Variants in MRTFA observed in about 807,000 individuals in gnomAD.
The protein encoded by MRTFA is myocardin-related transcription factor A.
Under a neutral mutation model 83.5 loss-of-function variants are expected in MRTFA, and 20 were observed. The observed-to-expected ratio is 0.24, with a 90% CI of 0.17 to 0.35. MRTFA has a LOEUF of 0.35. MRTFA is among the 10% of genes least tolerant of loss of function. MRTFA has a pLI of 1.00. For missense variants in MRTFA, 1,200 were observed against 1,224.7 expected, an observed-to-expected ratio of 0.98 and a Z score of 0.30; for synonymous variants, 659 against 541.2, an observed-to-expected ratio of 1.22 and a Z score of -3.02.
chr22:40,562,738 AAGGGGGAACGGACGG>A (rs1364577726), intron 2 of MRTFA, among the ~76,000 whole-genome samples: 2 of 40,396 alleles, frequency 5.0e-5, no homozygotes, highest in African/African-American at 2.2e-4. Flanking sequence ...GGAAGGGGGG[AAGGGGGAACGGACGG>A]AGGGGGGAAT....
At chr22:40,531,781 T>C (rs2055086428) in intron 3 of MRTFA, among the ~76,000 whole-genome samples, 1 of 152,210 alleles carries the variant, frequency 6.6e-6, no homozygotes, top group South Asian at 2.1e-4. Context: ...TATTTTACTA[T>C]ACAGCTGTCA....
At chr22:40,529,375 G>A (rs986994734) in intron 3 of MRTFA, among the ~76,000 whole-genome samples, 5 of 152,102 alleles carry the variant, frequency 3.3e-5, no homozygotes, top group African/African-American at 1.2e-4. Context: ...GGAGTGCAGT[G>A]GTGCGATCTC....
chr22:40,566,695 T>C (rs1275621679), intron 2 of MRTFA, among the ~76,000 whole-genome samples: 1 of 152,064 alleles, frequency 6.6e-6, no homozygotes, highest in Non-Finnish European at 1.5e-5. Context: ...TAGCGGAGCA[T>C]GGTGGCGAGT....
intron 3 of MRTFA, chr22:40,533,777 T>C (rs2055122031): frequency 2.3e-6 from 1 of 435,662 alleles, no homozygotes; most frequent in Non-Finnish European, 3.8e-6. Flanking sequence ...CCCTTCTCAG[T>C]GCAGTTACCA....
At chr22:40,628,411 T>C (rs2056604604) in intron 1 of MRTFA, among the ~76,000 whole-genome samples, 1 of 152,176 alleles carries the variant, frequency 6.6e-6, no homozygotes, top group Non-Finnish European at 1.5e-5. Context: ...ACAAGAACAA[T>C]TATTTTCAAA....
chr22:40,470,171 C>T (rs1233341746), intron 3 of MRTFA, among the ~76,000 whole-genome samples: 1 of 139,648 alleles, frequency 7.2e-6, no homozygotes, highest in Non-Finnish European at 1.5e-5. Context: ...TTGCAGTGAG[C>T]CGAGATTGTA....
At chr22:40,605,004 T>A (rs141049987) in intron 1 of MRTFA, among the ~76,000 whole-genome samples, 250 of 152,234 alleles carry the variant, frequency 1.6e-3, no homozygotes, top group African/African-American at 5.4e-3. Context: ...TAAGTTAAAT[T>A]CTGAAAAATT....
At chr22:40,494,878 G>A (rs2054325555) in intron 3 of MRTFA, among the ~76,000 whole-genome samples, 1 of 152,116 alleles carries the variant, frequency 6.6e-6, no homozygotes, top group South Asian at 2.1e-4. Flanking sequence ...TGGGAAACAG[G>A]GAAGGAGACT....
chr22:40,541,992 C>G (rs1166913419), intron 3 of MRTFA, among the ~76,000 whole-genome samples: 1 of 150,942 alleles, frequency 6.6e-6, no homozygotes, highest in African/African-American at 2.4e-5. Flanking sequence ...TTTAAGCTCA[C>G]TTTTTAAAGA....
At position 40,576,529 on chromosome 22, in the gene MRTFA, A is replaced by C. The variant is rs1339501352; in HGVS notation, c.-22+18145T>G. On this transcript the variant is annotated intron_variant, in intron 2 of 14. Coordinates refer to ENST00000355630, the MANE Select transcript of MRTFA (RefSeq NM_020831.6). ...TTCCCACCTTTTAAAGGGATAATGC[A>C]AGGGATTCTAAATCGTGGCATAAGT... 2.6e-5 allele frequency among the ~76,000 whole-genome samples: 4 copies of C among 152,158 alleles called. No individual in the cohort carries two copies. The East Asian group carries it at 7.7e-4, about 29-fold the overall frequency.
chr22:40,463,532 CAG>C (rs1262485360), intron 3 of MRTFA: 10 of 418,944 alleles, frequency 2.4e-5, no homozygotes, highest in South Asian at 4.1e-5. Flanking sequence ...CACAAAGCAT[CAG>C]AGTCTTGCCT....
intron 7 of MRTFA, among the ~76,000 whole-genome samples, chr22:40,425,679 T>C (rs1192454087): frequency 1.3e-5 from 2 of 152,222 alleles, no homozygotes; most frequent in African/African-American, 4.8e-5. Context: ...GTGTACTTCA[T>C]GCCAGACACA....
intron 4 of MRTFA, among the ~76,000 whole-genome samples, chr22:40,451,193 G>C (rs968501864): frequency 1.3e-5 from 2 of 151,986 alleles, no homozygotes; most frequent in African/African-American, 4.8e-5. Flanking sequence ...TTGTCTTTCT[G>C]TTTTTAGCTG....
intron 3 of MRTFA, among the ~76,000 whole-genome samples, chr22:40,485,823 AG>A (rs1489481846): frequency 1.3e-5 from 2 of 152,224 alleles, no homozygotes; most frequent in East Asian, 3.8e-4. Context: ...AGGAGGAGCA[AG>A]GGCTGTGAGA....
intron 1 of MRTFA, among the ~76,000 whole-genome samples, chr22:40,624,395 C>A (rs2056557369): frequency 7.1e-6 from 1 of 140,128 alleles, no homozygotes; most frequent in Admixed American, 7.6e-5. Flanking sequence ...CACTGCACTC[C>A]AGCCTGGGCA....
chr22:40,561,401 G>T (rs1164272449), intron 2 of MRTFA, among the ~76,000 whole-genome samples: 1 of 151,764 alleles, frequency 6.6e-6, no homozygotes, highest in African/African-American at 2.4e-5. Flanking sequence ...TGAGGTAGGA[G>T]GACTGCTTGA....
intron 12 of MRTFA, among the ~76,000 whole-genome samples, chr22:40,418,125 G>A (rs1447733377): frequency 6.6e-6 from 1 of 152,210 alleles, no homozygotes; most frequent in Non-Finnish European, 1.5e-5. Flanking sequence ...TGCTGCTGAG[G>A]TGCCGAAATG....
In MRTFA at chr22:40,423,633, G is replaced by T. The variant is rs1268310597; in HGVS notation, c.830C>A (p.Ala277Glu). The stretch of plus-strand genomic sequence containing the variant: ...TGGGGGAGGCAGAGGAGGCTGCTCT[G>T]CCAGGAAAAGCATTTCTCTGGAATC... Residue 277 changes from alanine (A) to glutamate (E), a missense_variant, in exon 9 of 15, where the codon GCA (alanine) becomes GAA (glutamate). Coordinates refer to ENST00000355630, the MANE Select transcript of MRTFA (RefSeq NM_020831.6). 6.3e-7 allele frequency: 1 copy of T among 1,593,066 alleles called. No homozygotes were observed. The highest frequency in any genetic ancestry group is 8.6e-7 in the Non-Finnish European group (1 of 1,169,134).
intron 2 of MRTFA, chr22:40,587,901 G>C (rs1241501615): frequency 2.4e-6 from 1 of 419,676 alleles, no homozygotes; most frequent in Admixed American, 3.3e-5. Context: ...ACAATATCTG[G>C]TGGAATGGGA....
Sources: gnomAD v4.1 joint callset for allele counts (sites outside exome capture counted in the v4.1 genomes callset) on GRCh38, gnomAD v4.1.1 for gene constraint, MANE v1.5 for transcripts, NCBI Gene and HGNC (gene_info 2026-07-23, HGNC 2026-07-21) for gene names.